Variants in SMAD5 observed in about 807,000 individuals in gnomAD.
SMAD5 encodes the protein MAD, mothers against decapentaplegic homolog 5.
SMAD5 carries 9 observed loss-of-function variants against 43.1 expected under a neutral mutation model. That is an observed-to-expected ratio of 0.21 (90% CI 0.13 to 0.36). The LOEUF (loss-of-function observed/expected upper bound fraction) is 0.36, where lower values mean the gene tolerates loss of function less well. SMAD5 is among the 10% of genes least tolerant of loss of function. SMAD5 has a pLI of 1.00. For missense variants in SMAD5, 348 were observed against 574.0 expected, an observed-to-expected ratio of 0.61 and a Z score of 4.02; for synonymous variants, 190 against 192.4, an observed-to-expected ratio of 0.99 and a Z score of 0.10.
At chr5:136,161,144 ATTCCT>A in intron 4 of SMAD5, 37 bp downstream of exon 4, 1 of 1,574,074 alleles carries the variant, frequency 6.4e-7, no homozygotes, top group Non-Finnish European at 8.7e-7. Flanking sequence ...AAAAAAAAAA[ATTCCT>A]AAGAATCACA....
At chr5:136,147,206 A>C (rs1364680889) in intron 1 of SMAD5, among the ~76,000 whole-genome samples, 2 of 151,512 alleles carry the variant, frequency 1.3e-5, no homozygotes, top group African/African-American at 4.8e-5. Flanking sequence ...AGATCACCAC[A>C]AAAAAAATAT....
intron 7 of SMAD5, among the ~76,000 whole-genome samples, chr5:136,176,938 CA>C (rs2149782940): frequency 6.6e-6 from 1 of 152,204 alleles, no homozygotes; most frequent in East Asian, 1.9e-4. Context: ...ATCTTGTCTA[CA>C]GTAATTATTA....
intron 2 of SMAD5, among the ~76,000 whole-genome samples, chr5:136,150,008 T>A (rs1297245803): frequency 6.6e-6 from 1 of 151,874 alleles, no homozygotes; most frequent in South Asian, 2.1e-4. Flanking sequence ...CTCTCCCATA[T>A]GTTTAATCTT....
At chr5:136,168,498 C>G (rs1472439581) in intron 5 of SMAD5, among the ~76,000 whole-genome samples, 3 of 152,152 alleles carry the variant, frequency 2.0e-5, no homozygotes, top group Non-Finnish European at 2.9e-5. Context: ...CTCACATACT[C>G]TCTTCTCCCA....
chr5:136,154,191 G>A, intron 3 of SMAD5, 28 bp downstream of exon 3: 1 of 1,415,184 alleles, frequency 7.1e-7, no homozygotes. Flanking sequence ...GAAGAATTTG[G>A]AAAAACAAAA....
At chr5:136,177,257 C>G (rs1435197865) in intron 7 of SMAD5, 80 bp from the exon 8 acceptor site, 7 of 1,257,500 alleles carry the variant, frequency 5.6e-6, no homozygotes, top group Non-Finnish European at 8.1e-6. Flanking sequence ...TAAAAGCTAT[C>G]TTTTTCTTAT....
At chr5:136,159,203 A>G (rs1176548524) in intron 3 of SMAD5, among the ~76,000 whole-genome samples, 1 of 152,160 alleles carries the variant, frequency 6.6e-6, no homozygotes, top group African/African-American at 2.4e-5. Flanking sequence ...TATTTTGGGG[A>G]TGGGAGTGGG....
At chr5:136,161,539 G>A (rs146229734) in intron 4 of SMAD5, among the ~76,000 whole-genome samples, 2 of 152,282 alleles carry the variant, frequency 1.3e-5, no homozygotes, top group African/African-American at 4.8e-5. Context: ...TTCAGACCCA[G>A]GTTTGTCTAA....
intron 3 of SMAD5, among the ~76,000 whole-genome samples, chr5:136,154,832 T>G (rs2149769282): frequency 6.6e-6 from 1 of 152,264 alleles, no homozygotes; most frequent in South Asian, 2.1e-4. Context: ...TATCTTACTG[T>G]CCGCTCAACT....
intron 7 of SMAD5, 108 bp downstream of exon 7, chr5:136,174,740 C>A (rs1347870782): frequency 1.4e-6 from 1 of 715,820 alleles, no homozygotes; most frequent in Non-Finnish European, 2.3e-6. Context: ...TTGCTTTTGG[C>A]CTGATTTAAC....
chr5:136,177,234 A>G (rs556804841), intron 7 of SMAD5, 103 bp from the exon 8 acceptor site: 8 of 934,430 alleles, frequency 8.6e-6, no homozygotes, highest in African/African-American at 8.1e-5. Flanking sequence ...TAACTTCTAC[A>G]TATCTCTACT....
intron 3 of SMAD5, 34 bp downstream of exon 3, chr5:136,154,197 C>G: frequency 7.3e-7 from 1 of 1,363,742 alleles, no homozygotes; most frequent in Non-Finnish European, 9.7e-7. Context: ...TTTGGAAAAA[C>G]AAAAACAAAA....
chr5:136,136,754 T>C (rs77942170), intron 1 of SMAD5, among the ~76,000 whole-genome samples: 3,325 of 152,214 alleles, frequency 0.022, 59 homozygotes, highest in Non-Finnish European at 0.035. Flanking sequence ...TGGGGTTCAG[T>C]GACGCGATCT....
chr5:136,147,782 T>G (rs1753310374), intron 1 of SMAD5, 50 bp from the exon 2 acceptor site: 1 of 151,668 alleles, frequency 6.6e-6, no homozygotes, highest in African/African-American at 2.4e-5. Context: ...ATTACCATTA[T>G]CAAAGGAGTA....
At chr5:136,138,595 G>A (rs1163516161) in intron 1 of SMAD5, among the ~76,000 whole-genome samples, 1 of 152,180 alleles carries the variant, frequency 6.6e-6, no homozygotes, top group African/African-American at 2.4e-5. Flanking sequence ...AGTGGTGGTG[G>A]TGGTTGTCTA....
Position 136,154,948 on chromosome 5 carries a change from G to A in SMAD5, c.403+785G>A, listed in dbSNP as rs75025571. Reference sequence around the variant, plus strand: ...TTCTCCTACCTCACTGACTGTTCTTGCCCCTCTTTGCTGGCGTATTCTCCT... The same window carrying A: ...TTCTCCTACCTCACTGACTGTTCTTACCCCTCTTTGCTGGCGTATTCTCCT... On this transcript the variant is annotated intron_variant, in intron 3 of 7. Coordinates refer to ENST00000545279, the MANE Select transcript of SMAD5 (RefSeq NM_005903.7). 1.6e-3 allele frequency among the ~76,000 whole-genome samples: 245 copies of A among 152,130 alleles called. 1 individual carries two copies. Among genetic ancestry groups the A allele is most frequent in the East Asian group, 9.5e-3 (49 of 5,170 alleles).
rs572291030 is a variant in SMAD5, at chr5:136,182,103, G to A, written c.*4623G>A. 1 of 152,244 alleles carries A rather than the reference G, an allele frequency of 6.6e-6. No homozygotes were observed. The highest frequency in any genetic ancestry group is 1.9e-4 in the East Asian group (1 of 5,178). 9.4% of individuals were successfully genotyped at this position (152,244 alleles called of 1,614,324 possible). A position where few individuals can be genotyped will look rare whatever the true frequency, so the allele number is the denominator to read the frequency against. The stretch of plus-strand genomic sequence containing the variant: ...CTTTAAAGGTTTATTTGAAGATGCT[G>A]TTAAAGTACAGAATTTTGTGTACAG... On this transcript the variant is annotated 3_prime_UTR_variant, in exon 8 of 8. Transcript: ENST00000545279.
intron 1 of SMAD5, among the ~76,000 whole-genome samples, chr5:136,139,046 A>AT (rs1752981153): frequency 6.6e-6 from 1 of 152,020 alleles, no homozygotes. Flanking sequence ...TTTATTTCAG[A>AT]TTGCAGCAGT....
Position 136,177,513 on chromosome 5 carries a change from T to C in SMAD5, c.*33T>C. 4.6e-6 allele frequency: 7 copies of C among 1,533,778 alleles called. No homozygotes were observed. Among genetic ancestry groups the C allele is most frequent in the Non-Finnish European group, 6.2e-6 (7 of 1,128,078 alleles). On this transcript the variant is annotated 3_prime_UTR_variant, in exon 8 of 8. Transcript: ENST00000545279. The stretch of plus-strand genomic sequence containing the variant: ...GTATTCTTTTCAATTATATTGTTAG[T>C]GGACTTGTTTTAATTTTAGAGAAAC...
Sources: allele counts gnomAD v4.1 joint callset (sites outside exome capture counted in the v4.1 genomes callset), GRCh38; gene constraint gnomAD v4.1.1; transcripts MANE v1.5; gene names NCBI Gene and HGNC (gene_info 2026-07-23, HGNC 2026-07-21).